Variants in AUTS2 observed in about 807,000 individuals in gnomAD.
AUTS2 encodes the protein activator of transcription and developmental regulator AUTS2, also known as autism susceptibility gene 2 protein.
In AUTS2, 17 loss-of-function variants were observed where a neutral mutation model predicts 112.4. The ratio of observed to expected loss-of-function variants is 0.15; its 90% CI spans 0.10 to 0.23. The LOEUF (loss-of-function observed/expected upper bound fraction) is 0.23. Among genes scored for constraint, AUTS2 ranks in the 10% least tolerant of loss-of-function variants. AUTS2 has a pLI of 1.00. For missense variants in AUTS2, 1,510 were observed against 1,701.6 expected, an observed-to-expected ratio of 0.89 and a Z score of 1.98; for synonymous variants, 751 against 702.7, an observed-to-expected ratio of 1.07 and a Z score of -1.09.
intron 1 of AUTS2, among the ~76,000 whole-genome samples, chr7:69,828,858 A>G (rs951454456): frequency 2.6e-5 from 4 of 152,202 alleles, no homozygotes; most frequent in Non-Finnish European, 5.9e-5. Flanking sequence ...AAGAATTGAC[A>G]TGATACATAA....
rs559905282 is a variant in AUTS2 at position 70,674,391 on chromosome 7, A to T, written c.691-24178A>T. On this transcript the variant is annotated intron_variant, in intron 5 of 18. Transcript: ENST00000342771. The stretch of plus-strand genomic sequence containing the variant: ...TGTCAGAATCACTTGTCAGAAAATG[A>T]GATTAGGCGCACTTGTCATTTGCTG... Among the ~76,000 whole-genome samples the T allele has an allele frequency of 5.3e-5, 8 of 152,348 alleles. No individual in the cohort carries two copies. In the East Asian group the frequency reaches 1.5e-3, roughly 29 times the overall value.
chr7:70,430,648 A>G (rs1345363687), intron 4 of AUTS2, among the ~76,000 whole-genome samples: 1 of 152,186 alleles, frequency 6.6e-6, no homozygotes, highest in East Asian at 1.9e-4. Context: ...AGACAGTGAC[A>G]TTAAAGAATA....
chr7:70,730,876 A>G (rs942127253), intron 6 of AUTS2, among the ~76,000 whole-genome samples: 10 of 152,204 alleles, frequency 6.6e-5, no homozygotes, highest in Non-Finnish European at 1.3e-4. Flanking sequence ...CCAACAGTGT[A>G]TGAGGGTTCC....
chr7:70,125,001 A>G (rs1037212583), intron 3 of AUTS2, among the ~76,000 whole-genome samples: 1 of 152,184 alleles, frequency 6.6e-6, no homozygotes, highest in Non-Finnish European at 1.5e-5. Context: ...CATTGAACAT[A>G]TGGAAAATAG....
At chr7:69,995,758 CAG>C (rs980076354) in intron 2 of AUTS2, among the ~76,000 whole-genome samples, 2 of 152,070 alleles carry the variant, frequency 1.3e-5, no homozygotes, top group African/African-American at 4.8e-5. Context: ...CATAGAATTC[CAG>C]GTGGTGAGTC....
chr7:69,708,471 T>C (rs1484167325), intron 1 of AUTS2, among the ~76,000 whole-genome samples: 1 of 152,192 alleles, frequency 6.6e-6, no homozygotes, highest in Non-Finnish European at 1.5e-5. Flanking sequence ...GTAGTGGTCA[T>C]CTGTGAGTCT....
At chr7:70,219,877 T>C in intron 4 of AUTS2, among the ~76,000 whole-genome samples, 1 of 152,272 alleles carries the variant, frequency 6.6e-6, no homozygotes, top group East Asian at 1.9e-4. Context: ...GCCTGTTTTT[T>C]CCCTTTTTAA....
At chr7:70,131,661 G>C (rs1806277579) in intron 3 of AUTS2, among the ~76,000 whole-genome samples, 1 of 151,814 alleles carries the variant, frequency 6.6e-6, no homozygotes, top group South Asian at 2.1e-4. Context: ...TATAATTTCT[G>C]TCTTGGAAAA....
At chr7:70,400,121 T>G (rs898908731) in intron 4 of AUTS2, among the ~76,000 whole-genome samples, 3 of 152,218 alleles carry the variant, frequency 2.0e-5, no homozygotes, top group African/African-American at 7.2e-5. Flanking sequence ...CAAGTGTGGA[T>G]CCTTGCAATG....
chr7:69,769,040 A>G (rs1225568755), intron 1 of AUTS2, among the ~76,000 whole-genome samples: 1 of 152,244 alleles, frequency 6.6e-6, no homozygotes, highest in East Asian at 1.9e-4. Context: ...AAAAATTAAC[A>G]AACACCCCAA....
At chr7:70,726,315 A>G (rs1787029942) in intron 6 of AUTS2, among the ~76,000 whole-genome samples, 1 of 151,156 alleles carries the variant, frequency 6.6e-6, no homozygotes, top group Admixed American at 6.6e-5. Flanking sequence ...CATACCATAC[A>G]TATATTTGAA....
chr7:70,291,741 A>C (rs1045735954), intron 4 of AUTS2: 8 of 152,240 alleles, frequency 5.3e-5, no homozygotes, highest in African/African-American at 1.9e-4. Flanking sequence ...CATTCTAATC[A>C]GTAATTTTAT....
intron 6 of AUTS2, among the ~76,000 whole-genome samples, chr7:70,716,994 ATT>A (rs1159029938): frequency 2.8e-4 from 20 of 71,724 alleles, no homozygotes; most frequent in African/African-American, 4.5e-4. Flanking sequence ...CAGTGGAGTT[ATT>A]TTTTTTTTTT....
chr7:70,648,535 A>G (rs1333551155), intron 5 of AUTS2, among the ~76,000 whole-genome samples: 1 of 152,208 alleles, frequency 6.6e-6, no homozygotes, highest in African/African-American at 2.4e-5. Context: ...ATGTAGAAAC[A>G]CGATATAAAA....
At chr7:70,467,689 C>T (rs563703525) in intron 5 of AUTS2, among the ~76,000 whole-genome samples, 1 of 152,196 alleles carries the variant, frequency 6.6e-6, no homozygotes, top group East Asian at 1.9e-4. Flanking sequence ...AAAGTAAGCC[C>T]TGGTAAGAGT....
chr7:70,273,558 T>A (rs1787791879), intron 4 of AUTS2, among the ~76,000 whole-genome samples: 1 of 152,022 alleles, frequency 6.6e-6, no homozygotes, highest in Non-Finnish European at 1.5e-5. Context: ...AAATGAACAT[T>A]AGGGATAGAA....
At chr7:69,880,972 A>T (rs1349186806) in intron 1 of AUTS2, among the ~76,000 whole-genome samples, 4 of 152,158 alleles carry the variant, frequency 2.6e-5, no homozygotes, top group African/African-American at 9.7e-5. Flanking sequence ...TGCCTACCAC[A>T]CGAGGTTGGA....
intron 4 of AUTS2, chr7:70,290,343 T>A (rs2129611838): frequency 6.8e-7 from 1 of 1,469,124 alleles, no homozygotes; most frequent in East Asian, 2.7e-5. Context: ...TTGAATCATT[T>A]GAGATTTTCA....
rs564511890 is a variant in AUTS2, at chr7:70,127,302, T to A, written c.625-7234T>A. Among the ~76,000 whole-genome samples, 4 of 151,926 alleles carry A rather than the reference T, an allele frequency of 2.6e-5. No homozygotes were observed. In the South Asian group the frequency reaches 8.3e-4, roughly 32 times the overall value. ...ACAAGTGCTACCATGCTTGGCTAAT[T>A]TTTGTATTTTTAGTAGAAATGGGGT... On this transcript the variant is annotated intron_variant, in intron 3 of 18. Transcript: ENST00000342771.
Sources: allele counts gnomAD v4.1 joint callset (sites outside exome capture counted in the v4.1 genomes callset), GRCh38; gene constraint gnomAD v4.1.1; transcripts MANE v1.5; gene names NCBI Gene and HGNC (gene_info 2026-07-23, HGNC 2026-07-21).